LRRC37A: variants seen among roughly 807,000 people sequenced by gnomAD.
LRRC37A encodes leucine-rich repeat-containing protein 37A.
A neutral mutation model predicts 35.4 loss-of-function variants in LRRC37A; 3 were observed. That is an observed-to-expected ratio of 0.08 (90% CI 0.04 to 0.22). The LOEUF is 0.22. LRRC37A is among the 10% of genes least tolerant of loss of function. The pLI, the probability that LRRC37A is intolerant of heterozygous loss-of-function variation, is 1.00. For synonymous variants in LRRC37A, 23 were observed against 215.0 expected (o/e 0.11, Z 7.81); for missense variants, 67 against 565.3 (o/e 0.12, Z 8.94).
chr17:46,264,825 G>C, the LRRC37A span, among the ~76,000 whole-genome samples: 1 of 152,328 alleles, frequency 6.6e-6, no homozygotes, highest in Admixed American at 6.5e-5. Context: ...GGGTTTCAGG[G>C]CATTCACAAC....
chr17:46,273,641 T>C, the LRRC37A span, among the ~76,000 whole-genome samples: 18,486 of 152,242 alleles, frequency 0.12, no homozygotes, highest in Non-Finnish European at 0.18. Flanking sequence ...TAGTAGAATT[T>C]TTGCAAAGCT....
At chr17:46,266,851 G>A in the LRRC37A span, among the ~76,000 whole-genome samples, 5 of 150,844 alleles carry the variant, frequency 3.3e-5, no homozygotes, top group African/African-American at 9.7e-5. Flanking sequence ...AGAACCGCGC[G>A]TCGCCGCGCC....
At chr17:46,254,420 T>C in the LRRC37A span, among the ~76,000 whole-genome samples, 1 of 115,450 alleles carries the variant, frequency 8.7e-6, no homozygotes, top group African/African-American at 2.6e-5. Flanking sequence ...TTTATCTATC[T>C]ATTTATTTAT....
At chr17:46,252,829 C>G in the LRRC37A span, among the ~76,000 whole-genome samples, 1 of 152,068 alleles carries the variant, frequency 6.6e-6, no homozygotes, top group South Asian at 2.1e-4. Context: ...CACCTTTCCC[C>G]CCTTTCTACT....
At chr17:46,250,497 G>A in the LRRC37A span, among the ~76,000 whole-genome samples, 4,832 of 152,106 alleles carry the variant, frequency 0.032, 274 homozygotes, top group African/African-American at 0.11. Context: ...TGCCAGCAAG[G>A]CTAGAATATA....
the LRRC37A span, among the ~76,000 whole-genome samples, chr17:46,258,250 C>T: frequency 4.1e-4 from 60 of 147,788 alleles, no homozygotes; most frequent in African/African-American, 1.4e-3. Context: ...CTCGCTCTGT[C>T]GCCAGGCTGG....
At chr17:46,250,849 C>T in the LRRC37A span, among the ~76,000 whole-genome samples, 1 of 152,134 alleles carries the variant, frequency 6.6e-6, no homozygotes, top group Non-Finnish European at 1.5e-5. Flanking sequence ...TCTCCTTGTC[C>T]TTCTCTTCCC....
the LRRC37A span, among the ~76,000 whole-genome samples, chr17:46,250,815 G>A: frequency 1.7e-3 from 254 of 152,332 alleles, no homozygotes; most frequent in African/African-American, 5.9e-3. Flanking sequence ...GATGGCTTGA[G>A]CCCCAGAGTC....
chr17:46,304,646 T>A lies in LRRC37A; in HGVS notation c.2754-863T>A, dbSNP rs1411780911. ...CTGTATAACTGAAGAAATTTTTTTT[T>A]ATGAAATATTAAAGCAATACAAAAC... On this transcript the variant is annotated intron_variant, in intron 3 of 13. Coordinates refer to ENST00000320254, the Ensembl canonical transcript of LRRC37A. Among the ~76,000 whole-genome samples, 25 of 64,504 alleles carry A rather than the reference T, an allele frequency of 3.9e-4. 4 individuals are homozygous for A. Among genetic ancestry groups the A allele is most frequent in the African/African-American group, 9.3e-4 (25 of 26,780 alleles). 42.3% of individuals were successfully genotyped at this position (64,504 alleles called of 152,430 possible). A position where few individuals can be genotyped will look rare whatever the true frequency, so the allele number is the denominator to read the frequency against.
the LRRC37A span, among the ~76,000 whole-genome samples, chr17:46,256,472 A>C: frequency 6.6e-6 from 1 of 152,172 alleles, no homozygotes; most frequent in Non-Finnish European, 1.5e-5. Context: ...AAGATATGGC[A>C]AGAAGGCAGC....
At chr17:46,265,185 C>T in the LRRC37A span, among the ~76,000 whole-genome samples, 1 of 152,204 alleles carries the variant, frequency 6.6e-6, no homozygotes, top group African/African-American at 2.4e-5. Flanking sequence ...TAACCCACCT[C>T]CTTCAGCTGC....
At chr17:46,267,331 G>C in the LRRC37A span, 1 of 1,474,160 alleles carries the variant, frequency 6.8e-7, no homozygotes, top group East Asian at 2.5e-5. Flanking sequence ...AGCGATGAAC[G>C]GGATAGTGCA....
the LRRC37A span, among the ~76,000 whole-genome samples, chr17:46,249,307 G>A: frequency 1.3e-5 from 2 of 152,316 alleles, no homozygotes; most frequent in African/African-American, 4.8e-5. Context: ...GGCACAAGAA[G>A]TGCTTGAAGC....
At chr17:46,287,115 C>G in the LRRC37A span, among the ~76,000 whole-genome samples, 8,773 of 133,612 alleles carry the variant, frequency 0.066, no homozygotes, top group Middle Eastern at 0.13. Flanking sequence ...CCATTCTACC[C>G]CTGGCAAACT....
chr17:46,263,550 CAA>C, the LRRC37A span, among the ~76,000 whole-genome samples: 6 of 63,630 alleles, frequency 9.4e-5, no homozygotes, highest in African/African-American at 1.8e-4. Flanking sequence ...GACTCTGTCT[CAA>C]AAAAAAAAAA....
chr17:46,286,511 T>C, the LRRC37A span, among the ~76,000 whole-genome samples: 1 of 152,206 alleles, frequency 6.6e-6, no homozygotes, highest in Admixed American at 6.5e-5. Flanking sequence ...TCCAAACAAG[T>C]CAAGCTAGTT....
At chr17:46,253,801 G>C in the LRRC37A span, among the ~76,000 whole-genome samples, 1 of 151,462 alleles carries the variant, frequency 6.6e-6, no homozygotes, top group Non-Finnish European at 1.5e-5. Flanking sequence ...AGAGGGAGAG[G>C]TGCATTTTCT....
the LRRC37A span, chr17:46,268,594 C>T: frequency 6.5e-7 from 1 of 1,541,362 alleles, no homozygotes; most frequent in Non-Finnish European, 8.8e-7. Flanking sequence ...CATCTCTGTC[C>T]AGGGGATGGA....
At chr17:46,259,019 A>ATTTTTTTTTTTTTT in the LRRC37A span, among the ~76,000 whole-genome samples, 553 of 79,396 alleles carry the variant, frequency 7.0e-3, 29 homozygotes, top group Non-Finnish European at 9.9e-3. Flanking sequence ...CACCCGGCCT[A>ATTTTTTTTTTTTTT]TTTTTTTTTT....
Sources: gnomAD v4.1 joint callset for allele counts (sites outside exome capture counted in the v4.1 genomes callset) on GRCh38, gnomAD v4.1.1 for gene constraint, MANE v1.5 for transcripts, NCBI Gene and HGNC (gene_info 2026-07-23, HGNC 2026-07-21) for gene names.